Variants in NKAIN2 observed in about 807,000 individuals in gnomAD.
The protein encoded by NKAIN2 is sodium/potassium-transporting ATPase subunit beta-1-interacting protein 2.
Under a neutral mutation model 32.6 loss-of-function variants are expected in NKAIN2, and 14 were observed. The observed-to-expected ratio is 0.43, with a 90% CI of 0.28 to 0.67. The LOEUF (loss-of-function observed/expected upper bound fraction) is 0.67. Among genes scored for constraint, NKAIN2 ranks in the 30% least tolerant of loss-of-function variants. NKAIN2 has a pLI of 0.17. For synonymous variants in NKAIN2, 80 were observed against 87.2 expected (o/e 0.92, Z 0.46); for missense variants, 198 against 258.3 (o/e 0.77, Z 1.60).
intron 3 of NKAIN2, among the ~76,000 whole-genome samples, chr6:124,467,890 G>A (rs184867652): frequency 1.3e-5 from 2 of 152,088 alleles, no homozygotes; most frequent in Non-Finnish European, 2.9e-5. Context: ...CCAATTTTAT[G>A]TCCTACTAGT....
At chr6:124,594,885 A>C (rs73772172) in intron 3 of NKAIN2, among the ~76,000 whole-genome samples, 4 of 152,064 alleles carry the variant, frequency 2.6e-5, no homozygotes, top group African/African-American at 9.7e-5. Context: ...CCTTCCTGTC[A>C]CAGGAGGGAA....
intron 4 of NKAIN2, among the ~76,000 whole-genome samples, chr6:124,675,140 A>G (rs558237429): frequency 6.6e-6 from 1 of 152,052 alleles, no homozygotes; most frequent in South Asian, 2.1e-4. Context: ...AAATTCCTTC[A>G]TTCTGTTAAT....
At chr6:124,687,275 T>G (rs533148392) in intron 4 of NKAIN2, among the ~76,000 whole-genome samples, 22 of 126,852 alleles carry the variant, frequency 1.7e-4, no homozygotes, top group East Asian at 1.2e-3. Flanking sequence ...TCTCTATATA[T>G]AGAGAGAGAA....
intron 4 of NKAIN2, among the ~76,000 whole-genome samples, chr6:124,706,810 T>G (rs1348371966): frequency 6.6e-6 from 1 of 152,202 alleles, no homozygotes; most frequent in East Asian, 1.9e-4. Context: ...CTGAATGCAT[T>G]AAAGGATGTT....
chr6:124,266,759 G>A (rs1414069484), intron 1 of NKAIN2, among the ~76,000 whole-genome samples: 1 of 152,188 alleles, frequency 6.6e-6, no homozygotes, highest in Non-Finnish European at 1.5e-5. Context: ...AAGAGAGTAT[G>A]GGCTTCAGTT....
chr6:124,605,455 G>A (rs1314212330), intron 3 of NKAIN2, among the ~76,000 whole-genome samples: 1 of 152,062 alleles, frequency 6.6e-6, no homozygotes, highest in Non-Finnish European at 1.5e-5. Flanking sequence ...ATGAGACTAT[G>A]TACAATGAAG....
At chr6:123,855,860 A>G (rs867104757) in intron 1 of NKAIN2, among the ~76,000 whole-genome samples, 6 of 152,210 alleles carry the variant, frequency 3.9e-5, no homozygotes, top group Non-Finnish European at 7.3e-5. Context: ...AATGATGGCT[A>G]TGTTTTGAGG....
At chr6:124,768,403 T>C (rs1778603635) in intron 4 of NKAIN2, among the ~76,000 whole-genome samples, 1 of 152,144 alleles carries the variant, frequency 6.6e-6, no homozygotes, top group South Asian at 2.1e-4. Flanking sequence ...CTCAGCTAAG[T>C]TCTTACCTCT....
chr6:124,329,037 C>T (rs1017914897), intron 2 of NKAIN2, among the ~76,000 whole-genome samples: 5 of 152,176 alleles, frequency 3.3e-5, no homozygotes, highest in African/African-American at 1.2e-4. Context: ...ACCACAGCCC[C>T]ACTGCTGCAG....
intron 1 of NKAIN2, among the ~76,000 whole-genome samples, chr6:123,932,184 GA>G (rs1776279719): frequency 6.6e-6 from 1 of 152,094 alleles, no homozygotes; most frequent in East Asian, 1.9e-4. Flanking sequence ...TTTGGTAAGT[GA>G]TTAAGACTTA....
At chr6:124,656,991 G>A (rs1226268737) in intron 3 of NKAIN2, among the ~76,000 whole-genome samples, 2 of 152,090 alleles carry the variant, frequency 1.3e-5, no homozygotes, top group African/African-American at 4.8e-5. Context: ...GCAAAAAAAA[G>A]AGATCACCCC....
At chr6:124,242,108 T>C (rs1562445425) in intron 1 of NKAIN2, among the ~76,000 whole-genome samples, 1 of 152,050 alleles carries the variant, frequency 6.6e-6, no homozygotes, top group Non-Finnish European at 1.5e-5. Flanking sequence ...GAGTGAACAT[T>C]CAGCCTACAA....
chr6:124,311,880 G>A (rs141113899), intron 2 of NKAIN2, among the ~76,000 whole-genome samples: 1 of 152,046 alleles, frequency 6.6e-6, no homozygotes, highest in Non-Finnish European at 1.5e-5. Flanking sequence ...AACGTATGTG[G>A]TATAAAAATG....
At chr6:123,997,302 C>A (rs1476016859) in intron 1 of NKAIN2, among the ~76,000 whole-genome samples, 1 of 152,192 alleles carries the variant, frequency 6.6e-6, no homozygotes, top group African/African-American at 2.4e-5. Context: ...GGCCAACTAG[C>A]CTATAAAACA....
At chr6:124,466,250 C>T (rs974813989) in intron 3 of NKAIN2, among the ~76,000 whole-genome samples, 1 of 152,246 alleles carries the variant, frequency 6.6e-6, no homozygotes, top group Admixed American at 6.5e-5. Context: ...GACGTTATAA[C>T]TCTCATGGCA....
chr6:124,195,931 G>T (rs963978596), intron 1 of NKAIN2, among the ~76,000 whole-genome samples: 1 of 151,824 alleles, frequency 6.6e-6, no homozygotes, highest in African/African-American at 2.4e-5. Context: ...GTGTACTTGG[G>T]AAACACTGAT....
intron 1 of NKAIN2, among the ~76,000 whole-genome samples, chr6:123,926,219 T>C (rs1323971788): frequency 6.6e-6 from 1 of 152,204 alleles, no homozygotes; most frequent in African/African-American, 2.4e-5. Flanking sequence ...TTCTCTCTGC[T>C]TTTTGCTCTG....
intron 1 of NKAIN2, among the ~76,000 whole-genome samples, chr6:123,976,400 TATATATATATATATATG>T: frequency 1.6e-5 from 1 of 60,726 alleles, no homozygotes; most frequent in African/African-American, 6.4e-5. Context: ...TATATATATA[TATATATATATATATATG>T]GAAAGAGAGA....
chr6:124,602,074 G>A (rs1326646202), intron 3 of NKAIN2, among the ~76,000 whole-genome samples: 5 of 151,778 alleles, frequency 3.3e-5, no homozygotes, highest in Non-Finnish European at 5.9e-5. Flanking sequence ...CTACCCTTTC[G>A]GGCTCCCTAC....
Sources: gnomAD v4.1 joint callset for allele counts (sites outside exome capture counted in the v4.1 genomes callset) on GRCh38, gnomAD v4.1.1 for gene constraint, MANE v1.5 for transcripts, NCBI Gene and HGNC (gene_info 2026-07-23, HGNC 2026-07-21) for gene names.